Variants in RPRD1A observed in about 807,000 individuals in gnomAD.
RPRD1A encodes the protein regulation of nuclear pre-mRNA domain-containing protein 1A.
A neutral mutation model predicts 37.8 loss-of-function variants in RPRD1A; 9 were observed. The ratio of observed to expected loss-of-function variants is 0.24; its 90% CI spans 0.14 to 0.42. The LOEUF is 0.42. RPRD1A is among the 10% of genes least tolerant of loss of function. The pLI is 1.00. For synonymous variants in RPRD1A, 138 were observed against 139.7 expected, an observed-to-expected ratio of 0.99 and a Z score of 0.08; for missense variants, 255 against 371.0, an observed-to-expected ratio of 0.69 and a Z score of 2.57.
At chr18:36,036,719 C>G (rs9956556) in intron 1 of RPRD1A, among the ~76,000 whole-genome samples, 25,796 of 152,004 alleles carry the variant, frequency 0.17, 2,320 homozygotes, top group East Asian at 0.25. Flanking sequence ...AGCAAGCAAT[C>G]CAAGAAAATC....
At chr18:36,064,318 C>G (rs1012065932) in intron 1 of RPRD1A, 2 of 152,660 alleles carry the variant, frequency 1.3e-5, no homozygotes, top group African/African-American at 2.4e-5. Flanking sequence ...TGATGGGGGA[C>G]GAGCTCCCTC....
chr18:36,026,658 C>A, intron 6 of RPRD1A: 1 of 365,058 alleles, frequency 2.7e-6, no homozygotes, highest in Non-Finnish European at 4.9e-6. Flanking sequence ...CATGGAATTT[C>A]ACAAGAATAA....
chr18:36,014,706 G>C (rs2144217959), intron 6 of RPRD1A, among the ~76,000 whole-genome samples: 1 of 152,236 alleles, frequency 6.6e-6, no homozygotes, highest in African/African-American at 2.4e-5. Flanking sequence ...TCGCGCCACG[G>C]CACTCCAGCC....
intron 6 of RPRD1A, among the ~76,000 whole-genome samples, chr18:36,024,579 GCTTC>G (rs1911232492): frequency 1.3e-5 from 2 of 152,022 alleles, no homozygotes; most frequent in South Asian, 4.1e-4. Context: ...TTTAATAATG[GCTTC>G]CTTAAGAAAT....
intron 6 of RPRD1A, among the ~76,000 whole-genome samples, chr18:36,019,757 C>T (rs56888297): frequency 0.12 from 17,622 of 152,102 alleles, 1,262 homozygotes; most frequent in East Asian, 0.25. Flanking sequence ...ACCTGTTGGA[C>T]GGCCGGGTGT....
chr18:36,038,169 G>T (rs891942496), intron 1 of RPRD1A, among the ~76,000 whole-genome samples: 7 of 152,230 alleles, frequency 4.6e-5, no homozygotes, highest in African/African-American at 1.7e-4. Flanking sequence ...AGACAATGGG[G>T]AAAACGTCTC....
chr18:36,004,192 G>A (rs115251555), intron 6 of RPRD1A, among the ~76,000 whole-genome samples: 1,759 of 151,800 alleles, frequency 0.012, 41 homozygotes, highest in African/African-American at 0.04. Context: ...ACATTTATAT[G>A]ATATTGTTAC....
chr18:36,067,138 CCG>C, intron 1 of RPRD1A, 114 bp downstream of exon 1: 1 of 1,166,242 alleles, frequency 8.6e-7, no homozygotes, highest in Non-Finnish European at 1.2e-6. Context: ...CCGCAGACCA[CCG>C]CGCGCTGGCA....
At chr18:36,031,509 A>T (rs1363798840) in intron 2 of RPRD1A, among the ~76,000 whole-genome samples, 1 of 152,080 alleles carries the variant, frequency 6.6e-6, no homozygotes, top group Admixed American at 6.5e-5. Flanking sequence ...GGCAGTTGTT[A>T]TTTATAAGTA....
chr18:36,040,992 C>T, intron 1 of RPRD1A: 1 of 551,118 alleles, frequency 1.8e-6, no homozygotes, highest in Non-Finnish European at 3.1e-6. Flanking sequence ...AAAGAATTCC[C>T]CATTAGAGTT....
chr18:36,038,139 G>A (rs764149712), intron 1 of RPRD1A, among the ~76,000 whole-genome samples: 6 of 152,190 alleles, frequency 3.9e-5, no homozygotes, highest in Non-Finnish European at 7.3e-5. Flanking sequence ...AAGTAACAAG[G>A]GGCCAAATGT....
At chr18:36,060,202 T>A (rs2088878660) in intron 1 of RPRD1A, among the ~76,000 whole-genome samples, 1 of 152,058 alleles carries the variant, frequency 6.6e-6, no homozygotes, top group Admixed American at 6.5e-5. Context: ...GAGGCCAAGG[T>A]GGGCGGATCA....
intron 1 of RPRD1A, among the ~76,000 whole-genome samples, chr18:36,038,859 C>A (rs1350335387): frequency 1.3e-5 from 2 of 152,158 alleles, no homozygotes; most frequent in African/African-American, 4.8e-5. Flanking sequence ...TTGCATGGGG[C>A]CTATACCCCT....
intron 6 of RPRD1A, chr18:36,025,661 T>C: frequency 7.8e-7 from 1 of 1,287,970 alleles, no homozygotes; most frequent in Non-Finnish European, 1.0e-6. Flanking sequence ...CGTTAGAAGA[T>C]ACGCCCATGT....
At chr18:36,043,282 G>C (rs1210805042) in intron 1 of RPRD1A, among the ~76,000 whole-genome samples, 2 of 89,724 alleles carry the variant, frequency 2.2e-5, no homozygotes, top group East Asian at 6.9e-4. Context: ...TGATTAATCT[G>C]AGCCTACATG....
At chr18:36,030,652 G>C (rs537695119) in intron 4 of RPRD1A, among the ~76,000 whole-genome samples, 156 bp downstream of exon 4, 1 of 152,162 alleles carries the variant, frequency 6.6e-6, no homozygotes, top group African/African-American at 2.4e-5. Flanking sequence ...TTTAACATAA[G>C]CAATTTGTTA....
chr18:36,001,047 T>C (rs1909383164), intron 6 of RPRD1A, among the ~76,000 whole-genome samples: 1 of 152,194 alleles, frequency 6.6e-6, no homozygotes, highest in South Asian at 2.1e-4. Flanking sequence ...AAAACATCTC[T>C]GGCATTCCTA....
intron 1 of RPRD1A, among the ~76,000 whole-genome samples, chr18:36,040,418 T>C (rs1912497033): frequency 6.6e-6 from 1 of 152,164 alleles, no homozygotes; most frequent in African/African-American, 2.4e-5. Flanking sequence ...CATGACCTAA[T>C]GAATGCACTG....
At chr18:36,021,558 T>C (rs1265635444) in intron 6 of RPRD1A, among the ~76,000 whole-genome samples, 3 of 152,198 alleles carry the variant, frequency 2.0e-5, no homozygotes, top group Non-Finnish European at 2.9e-5. Context: ...GAAAGAATCA[T>C]AGGTCTCTCA....
Sources: allele counts gnomAD v4.1 joint callset (sites outside exome capture counted in the v4.1 genomes callset), GRCh38; gene constraint gnomAD v4.1.1; transcripts MANE v1.5; gene names NCBI Gene and HGNC (gene_info 2026-07-23, HGNC 2026-07-21).